PCDHA5: variants seen among roughly 807,000 people sequenced by gnomAD.
PCDHA5 encodes the protein protocadherin alpha-5.
A neutral mutation model predicts 61.6 loss-of-function variants in PCDHA5; 43 were observed. That is an observed-to-expected ratio of 0.70 (90% CI 0.55 to 0.90). The LOEUF (loss-of-function observed/expected upper bound fraction) is 0.90. Ranked by LOEUF, PCDHA5 falls within the 40% of genes least tolerant of loss-of-function variation. The probability of loss-of-function intolerance (pLI) is 0.00; values close to 1 mark genes in which losing one functional copy is unlikely to be tolerated. For synonymous variants in PCDHA5, 627 were observed against 543.9 expected (o/e 1.15, Z -2.13); for missense variants, 1,298 against 1,222.7 (o/e 1.06, Z -0.92).
chr5:140,855,185 T>C (rs1184210889), intron 1 of PCDHA5, among the ~76,000 whole-genome samples: 3 of 149,814 alleles, frequency 2.0e-5, no homozygotes, highest in African/African-American at 7.3e-5. Flanking sequence ...TGTGGCCAAA[T>C]TGAGGCCTGA....
intron 1 of PCDHA5, chr5:140,829,700 G>C (rs188962276): frequency 6.2e-7 from 1 of 1,613,364 alleles, no homozygotes; most frequent in Admixed American, 1.7e-5. Context: ...TCAGGTGAGC[G>C]CGCGCGACGC....
At chr5:140,976,248 T>G (rs1476905185) in intron 1 of PCDHA5, among the ~76,000 whole-genome samples, 5 of 152,032 alleles carry the variant, frequency 3.3e-5, no homozygotes, top group African/African-American at 9.7e-5. Context: ...TCATGTAAAT[T>G]TATTTAAAAC....
intron 3 of PCDHA5, among the ~76,000 whole-genome samples, chr5:140,999,595 C>T (rs1232390404): frequency 1.3e-5 from 2 of 152,148 alleles, no homozygotes; most frequent in East Asian, 3.9e-4. Flanking sequence ...GCCTTCCCTA[C>T]ATCCTGGGGG....
intron 1 of PCDHA5, chr5:140,856,965 C>T: frequency 1.9e-6 from 3 of 1,590,456 alleles, no homozygotes; most frequent in Non-Finnish European, 2.6e-6. Context: ...GTAAATGATG[C>T]TATTGACTTT....
intron 3 of PCDHA5, among the ~76,000 whole-genome samples, chr5:140,984,830 T>C (rs2097123075): frequency 6.6e-6 from 1 of 152,220 alleles, no homozygotes; most frequent in South Asian, 2.1e-4. Context: ...TTACCCTTTC[T>C]GTAAATTGGG....
intron 1 of PCDHA5, among the ~76,000 whole-genome samples, chr5:140,874,944 G>A (rs2055185348): frequency 6.6e-6 from 1 of 152,170 alleles, no homozygotes; most frequent in Non-Finnish European, 1.5e-5. Context: ...TGAAACAGCG[G>A]AATTGTAAGC....
chr5:140,920,927 A>G (rs1350465462), intron 1 of PCDHA5, among the ~76,000 whole-genome samples: 1 of 151,716 alleles, frequency 6.6e-6, no homozygotes, highest in East Asian at 1.9e-4. Context: ...AGAGTAGGTG[A>G]TCTAGCCCTT....
intron 1 of PCDHA5, chr5:140,966,135 T>A (rs1456572936): frequency 1.2e-5 from 2 of 162,166 alleles, no homozygotes; most frequent in African/African-American, 4.8e-5. Context: ...CCCCTCAGTT[T>A]ATTTTCCTGA....
intron 1 of PCDHA5, among the ~76,000 whole-genome samples, chr5:140,937,861 G>A (rs1159207693): frequency 6.6e-6 from 1 of 150,994 alleles, no homozygotes; most frequent in African/African-American, 2.4e-5. Context: ...GGAGTGAGCC[G>A]AGATCGCGCC....
chr5:140,856,518 C>T, intron 1 of PCDHA5: 1 of 1,598,510 alleles, frequency 6.3e-7, no homozygotes, highest in Non-Finnish European at 8.6e-7. Flanking sequence ...GAAGGCGCAT[C>T]TGATGCGGAT....
intron 1 of PCDHA5, chr5:140,927,172 G>T: frequency 1.2e-6 from 2 of 1,614,152 alleles, no homozygotes; most frequent in Non-Finnish European, 1.7e-6. Flanking sequence ...AGCTGCCTGC[G>T]TCTTGACCTA....
intron 1 of PCDHA5, chr5:140,841,417 C>T (rs1242106171): frequency 1.2e-6 from 2 of 1,612,932 alleles, no homozygotes; most frequent in African/African-American, 1.3e-5. Flanking sequence ...GCCAGCTCCA[C>T]TACTCCGTCC....
chr5:140,898,711 T>A (rs1280268769), intron 1 of PCDHA5, among the ~76,000 whole-genome samples: 2 of 152,226 alleles, frequency 1.3e-5, no homozygotes, highest in Non-Finnish European at 2.9e-5. Flanking sequence ...AAGTAGTTTT[T>A]TCCAATTCTG....
intron 2 of PCDHA5, among the ~76,000 whole-genome samples, chr5:140,980,645 G>A (rs1322302727): frequency 6.7e-6 from 1 of 149,206 alleles, no homozygotes; most frequent in African/African-American, 2.5e-5. Flanking sequence ...ATAAATAAAT[G>A]AATAAAATAA....
intron 1 of PCDHA5, among the ~76,000 whole-genome samples, chr5:140,840,756 A>T (rs1776857330): frequency 2.6e-5 from 4 of 152,114 alleles, no homozygotes; most frequent in Non-Finnish European, 5.9e-5. Context: ...GAACACAAGA[A>T]GATAAAATGT....
At chr5:140,957,189 G>A (rs1376112973) in intron 1 of PCDHA5, among the ~76,000 whole-genome samples, 1 of 152,056 alleles carries the variant, frequency 6.6e-6, no homozygotes. Context: ...ATTGATGACC[G>A]ATTGGGAATA....
intron 1 of PCDHA5, chr5:140,834,575 C>G (rs2150221484): frequency 6.2e-7 from 1 of 1,614,096 alleles, no homozygotes; most frequent in South Asian, 1.1e-5. Context: ...CGCGCCTGTT[C>G]CGGGCGGTGT....
intron 1 of PCDHA5, chr5:140,926,762 C>T: frequency 7.5e-7 from 1 of 1,326,672 alleles, no homozygotes; most frequent in Non-Finnish European, 9.8e-7. Context: ...CGCTGAGTAT[C>T]CAGCCCGCAG....
chr5:140,986,000 A>G (rs549071976), intron 3 of PCDHA5, among the ~76,000 whole-genome samples: 1 of 151,922 alleles, frequency 6.6e-6, no homozygotes, highest in Non-Finnish European at 1.5e-5. Flanking sequence ...CAGCCTCCCA[A>G]AGTGCTGGGA....
Sources: allele counts gnomAD v4.1 joint callset (sites outside exome capture counted in the v4.1 genomes callset), GRCh38; gene constraint gnomAD v4.1.1; transcripts MANE v1.5; gene names NCBI Gene and HGNC (gene_info 2026-07-23, HGNC 2026-07-21).